The following RHBDD1 variants were observed in gnomAD, a reference collection of about 807,000 sequenced individuals.
RHBDD1 encodes rhomboid-related protein 4.
A neutral mutation model predicts 36.3 loss-of-function variants in RHBDD1; 38 were observed. The observed-to-expected ratio is 1.05, with a 90% confidence interval of 0.81 to 1.37. The LOEUF is 1.37. Ranked by LOEUF, RHBDD1 falls within the 40% of genes most tolerant of loss-of-function variation. The pLI is 0.00. For synonymous variants in RHBDD1, 151 were observed against 136.5 expected (o/e 1.11, Z -0.74); for missense variants, 393 against 377.6 (o/e 1.04, Z -0.34).
At chr2:226,848,821 C>T (rs1042054809) in intron 3 of RHBDD1, among the ~76,000 whole-genome samples, 2 of 152,134 alleles carry the variant, frequency 1.3e-5, no homozygotes, top group Non-Finnish European at 2.9e-5. Context: ...ATTAAAATCC[C>T]TGCTCATCTA....
intron 8 of RHBDD1, among the ~76,000 whole-genome samples, chr2:226,927,251 T>TAACAA (rs1949722784): frequency 2.0e-5 from 3 of 152,288 alleles, no homozygotes; most frequent in African/African-American, 7.2e-5. Flanking sequence ...GTTTATTTGT[T>TAACAA]ATTCATCTCT....
chr2:226,961,211 G>A (rs1006962448), intron 8 of RHBDD1, among the ~76,000 whole-genome samples: 2 of 152,008 alleles, frequency 1.3e-5, no homozygotes, highest in Admixed American at 6.6e-5. Context: ...CTCCATGAAC[G>A]GGGTCATGAG....
chr2:226,923,044 A>G (rs979639504), intron 8 of RHBDD1, among the ~76,000 whole-genome samples: 1 of 152,218 alleles, frequency 6.6e-6, no homozygotes, highest in Non-Finnish European at 1.5e-5. Flanking sequence ...TACTCAAGAT[A>G]TGAATAGTTT....
In RHBDD1 at chr2:226,934,511, A is replaced by G. The variant is rs149296379; in HGVS notation, c.856+20160A>G. 5.2e-3 allele frequency among the ~76,000 whole-genome samples: 798 copies of G among 152,252 alleles called. 7 individuals carry two copies. The highest frequency in any genetic ancestry group is 0.018 in the African/African-American group (756 of 41,558). On this transcript the variant is annotated intron_variant, in intron 8 of 8. Transcript: ENST00000392062. ...GCAACTTTTAACCTCAGAATTTGCT[A>G]TTATCGTATTTCATAATAGTACCTG...
chr2:226,890,825 A>G (rs1405900866), intron 5 of RHBDD1, among the ~76,000 whole-genome samples: 6 of 152,178 alleles, frequency 3.9e-5, no homozygotes, highest in East Asian at 3.8e-4. Context: ...TTAAAATAAA[A>G]TTTTTTTAAA....
At chr2:226,973,280 T>C (rs187428440) in intron 8 of RHBDD1, among the ~76,000 whole-genome samples, 2 of 152,342 alleles carry the variant, frequency 1.3e-5, no homozygotes. Flanking sequence ...AGAATGAGAT[T>C]TGCCTGGCAT....
the RHBDD1 span, among the ~76,000 whole-genome samples, chr2:226,802,692 A>G: frequency 7.2e-5 from 11 of 152,356 alleles, no homozygotes; most frequent in African/African-American, 2.6e-4. Context: ...CTGTTGCTCA[A>G]TGCTGCCATC....
intron 8 of RHBDD1, among the ~76,000 whole-genome samples, chr2:226,922,748 T>G (rs900000160): frequency 1.3e-5 from 2 of 152,184 alleles, no homozygotes; most frequent in African/African-American, 2.4e-5. Flanking sequence ...GAGGTATGTT[T>G]TAATTTCTTG....
At chr2:226,837,349 TG>T (rs1351654087) in intron 1 of RHBDD1, among the ~76,000 whole-genome samples, 2 of 152,206 alleles carry the variant, frequency 1.3e-5, no homozygotes, top group Non-Finnish European at 2.9e-5. Context: ...GCATGGATAT[TG>T]GGACTGCTGC....
At chr2:226,879,747 A>G (rs1945549526) in intron 5 of RHBDD1, among the ~76,000 whole-genome samples, 1 of 152,230 alleles carries the variant, frequency 6.6e-6, no homozygotes, top group South Asian at 2.1e-4. Flanking sequence ...GGGAGTCCAT[A>G]TAAATAAGCA....
chr2:226,941,354 G>T (rs937672822), intron 8 of RHBDD1, among the ~76,000 whole-genome samples: 3 of 152,330 alleles, frequency 2.0e-5, no homozygotes, highest in African/African-American at 7.2e-5. Flanking sequence ...TTCTGGGCTT[G>T]ACTGCAAATG....
In RHBDD1 at chr2:226,865,007, C is replaced by T. The variant is rs1944206198; in HGVS notation, c.314C>T (p.Ala105Val). 1 of 1,614,042 alleles carries T rather than the reference C, an allele frequency of 6.2e-7. No homozygotes were observed. The highest frequency in any genetic ancestry group is 2.2e-5 in the East Asian group (1 of 44,902). The part of the protein sequence containing the change: ...LERRLGSRWF[A>V]YVITAFSVLT... ...AGAAGACTGGGAAGTAGATGGTTTG[C>T]CTATGTTATCACCGCATTTTCTGTA... The change falls in exon 4 of 9, where the codon GCC becomes GTC. Residue 105 changes from alanine (A) to valine (V), a missense_variant. By Grantham distance (64) the Ala-to-Val change is moderately conservative (BLOSUM62 0). Coordinates refer to ENST00000392062, the MANE Select transcript of RHBDD1 (RefSeq NM_001167608.3).
chr2:226,935,877 A>G (rs1950297883), intron 8 of RHBDD1, among the ~76,000 whole-genome samples: 1 of 152,146 alleles, frequency 6.6e-6, no homozygotes, highest in Non-Finnish European at 1.5e-5. Flanking sequence ...TACCTTATTC[A>G]GTTGCGTGAT....
the RHBDD1 span, among the ~76,000 whole-genome samples, chr2:226,830,043 C>G: frequency 6.6e-6 from 1 of 151,830 alleles, no homozygotes; most frequent in Admixed American, 6.6e-5. Context: ...TCCTACTTCC[C>G]GGAGAGCTTT....
chr2:226,978,158 A>G (rs1341472586), intron 8 of RHBDD1, among the ~76,000 whole-genome samples: 4 of 152,226 alleles, frequency 2.6e-5, no homozygotes, highest in South Asian at 2.1e-4. Flanking sequence ...CTTCAGATCC[A>G]TAGAAACAAT....
rs139069055 is a variant in RHBDD1 at position 226,959,346 on chromosome 2, A to G, written c.857-36085A>G. Among the ~76,000 whole-genome samples the G allele has an allele frequency of 1.4e-4, 21 of 152,356 alleles. No homozygotes were observed. The East Asian group carries it at 4.0e-3, about 29-fold the overall frequency. On this transcript the variant is annotated intron_variant, in intron 8 of 8. Coordinates refer to ENST00000392062, the MANE Select transcript of RHBDD1 (RefSeq NM_001167608.3). ...TTATCATTTGATTGATATATAACCCATAATCAAGATAATTAACATAGCCAT... is the reference window on the plus strand; with the variant it reads ...TTATCATTTGATTGATATATAACCCGTAATCAAGATAATTAACATAGCCAT...
intron 5 of RHBDD1, among the ~76,000 whole-genome samples, chr2:226,871,319 TCAC>T (rs528078694): frequency 1.2e-3 from 187 of 152,278 alleles, no homozygotes; most frequent in Non-Finnish European, 2.2e-3. Flanking sequence ...CATAATAACT[TCAC>T]CCCTAAAAAC....
At chr2:226,818,452 C>T in the RHBDD1 span, among the ~76,000 whole-genome samples, 1 of 150,144 alleles carries the variant, frequency 6.7e-6, no homozygotes, top group Non-Finnish European at 1.5e-5. Context: ...AGGTGTGAGC[C>T]ACTGCACCCA....
the RHBDD1 span, chr2:226,807,616 G>C: frequency 6.6e-6 from 1 of 152,232 alleles, no homozygotes; most frequent in South Asian, 2.1e-4. Flanking sequence ...CATTCTAGGA[G>C]AGTGAGGAGG....
Sources: gnomAD v4.1 joint callset for allele counts (sites outside exome capture counted in the v4.1 genomes callset) on GRCh38, gnomAD v4.1.1 for gene constraint, MANE v1.5 for transcripts, NCBI Gene and HGNC (gene_info 2026-07-23, HGNC 2026-07-21) for gene names.